The following TAC4 variants were observed in gnomAD, a reference collection of about 807,000 sequenced individuals.
TAC4 encodes the protein tachykinin precursor 4, also known as tachykinin-4.
Under a neutral mutation model 17.7 loss-of-function variants are expected in TAC4, and 17 were observed. The observed-to-expected ratio is 0.96, with a 90% confidence interval of 0.66 to 1.44. The LOEUF (loss-of-function observed/expected upper bound fraction) is 1.44. Ranked by LOEUF, TAC4 falls within the 40% of genes most tolerant of loss-of-function variation. The pLI is 0.00. For missense variants in TAC4, 118 were observed against 125.6 expected (o/e 0.94, Z 0.29); for synonymous variants, 62 against 52.4 (o/e 1.18, Z -0.79).
At position 49,838,548 on chromosome 17, in the gene TAC4, CAG is replaced by C. The variant is rs2074473083; in HGVS notation, c.*92_*93del. On this transcript the variant is annotated 3_prime_UTR_variant, in exon 5 of 5. Coordinates refer to ENST00000436235, the MANE Select transcript of TAC4 (RefSeq NM_001077506.2). ...GTGCCAGCGATGAGGACAGGAGACA[CAG>C]AGAAGAGAGTTGGCCTGCCGGCTTG... The C allele has an allele frequency of 1.3e-6, 2 of 1,497,412 alleles. No homozygotes were observed. Among genetic ancestry groups the C allele is most frequent in the African/African-American group, 1.4e-5 (1 of 72,452 alleles). The allele number at this position is 1,497,412 out of a possible 1,614,324, so 92.8% of individuals were successfully genotyped here.
intron 2 of TAC4, among the ~76,000 whole-genome samples, chr17:49,842,487 G>T (rs573289737): frequency 6.6e-6 from 1 of 151,526 alleles, no homozygotes; most frequent in Non-Finnish European, 1.5e-5. Context: ...CTGAGATTGC[G>T]CCATTGCACT....
intron 4 of TAC4, 39 bp from the exon 5 acceptor site, chr17:49,838,712 G>T: frequency 6.2e-7 from 1 of 1,603,628 alleles, no homozygotes; most frequent in Non-Finnish European, 8.5e-7. Flanking sequence ...GTTAGTCGGG[G>T]GTCTTGTCTG....
intron 2 of TAC4, among the ~76,000 whole-genome samples, chr17:49,843,512 G>A (rs1036779868): frequency 4.7e-5 from 7 of 149,256 alleles, no homozygotes; most frequent in East Asian, 1.9e-4. Flanking sequence ...TCAGGTGCCC[G>A]TGCTCCCCAT....
chr17:49,841,525 T>C (rs755890948), intron 3 of TAC4, 27 bp downstream of exon 3: 1 of 1,564,298 alleles, frequency 6.4e-7, no homozygotes, highest in African/African-American at 1.4e-5. Context: ...AGGGGGCATG[T>C]TGAAGGCAGG....
chr17:49,838,531 G>T lies in TAC4; in HGVS notation c.*111C>A. The stretch of plus-strand genomic sequence containing the variant: ...TGTGGGCCTTGTGTGAAGTGCCAGC[G>T]ATGAGGACAGGAGACACAGAGAAGA... On this transcript the variant is annotated 3_prime_UTR_variant, in exon 5 of 5. Transcript: ENST00000436235. 1 of 1,340,120 alleles carries T rather than the reference G, an allele frequency of 7.5e-7. No individual in the cohort carries two copies. The highest frequency in any genetic ancestry group is 1.1e-6 in the Non-Finnish European group (1 of 939,846). 83.0% of individuals were successfully genotyped at this position (1,340,120 alleles called of 1,614,324 possible). A position where few individuals can be genotyped will look rare whatever the true frequency, so the allele number is the denominator to read the frequency against.
chr17:49,839,586 A>C (rs1340778877), intron 4 of TAC4, among the ~76,000 whole-genome samples: 1 of 152,226 alleles, frequency 6.6e-6, no homozygotes, highest in Non-Finnish European at 1.5e-5. Context: ...CTGTGGTTTC[A>C]GCTGGCCCTG....
intron 2 of TAC4, among the ~76,000 whole-genome samples, chr17:49,841,901 CTTTTTTTTTTTTTT>C (rs1161302297): frequency 1.0e-5 from 1 of 99,132 alleles, no homozygotes; most frequent in Non-Finnish European, 2.0e-5. Flanking sequence ...GAGATTTAAT[CTTTTTTTTTTTTTT>C]TTTTTTTTTT....
intron 2 of TAC4, 48 bp from the exon 3 acceptor site, chr17:49,841,632 G>T (rs2074499045): frequency 1.3e-6 from 2 of 1,503,076 alleles, no homozygotes; most frequent in Admixed American, 4.6e-5. Flanking sequence ...CTGCTTCCCT[G>T]GGGGCTTGGT....
At chr17:49,842,994 C>A (rs1475933587) in intron 2 of TAC4, among the ~76,000 whole-genome samples, 1 of 152,188 alleles carries the variant, frequency 6.6e-6, no homozygotes, top group African/African-American at 2.4e-5. Flanking sequence ...TAGATTTTGA[C>A]CATTCCCTGA....
At chr17:49,841,671 G>C in intron 2 of TAC4, 87 bp from the exon 3 acceptor site, 3 of 1,379,670 alleles carry the variant, frequency 2.2e-6, no homozygotes, top group Non-Finnish European at 2.9e-6. Flanking sequence ...GTTCTTTGAG[G>C]GTTGGTGCAT....
chr17:49,846,182 A>G (rs375870197), intron 1 of TAC4: 1 of 1,288,058 alleles, frequency 7.8e-7, no homozygotes, highest in Admixed American at 2.3e-5. Flanking sequence ...ATATCCATTT[A>G]ACCCAAATCC....
Position 49,847,934 on chromosome 17 carries a change from G to C in TAC4, c.84C>G (p.Leu28=), listed in dbSNP as rs1487376293. ...VAGDGGEEQT[L]STEAETWEGA... ...TTACCCAGGTCTCTGCTTCAGTGCT[G>C]AGTGTCTGTTCCTCTCCACCATCAC... The change falls in exon 1 of 5, where the codon CTC becomes CTG. Residue 28 remains leucine (L), a synonymous_variant. Coordinates refer to ENST00000436235, the MANE Select transcript of TAC4 (RefSeq NM_001077506.2). 6.2e-7 allele frequency: 1 copy of C among 1,614,166 alleles called. No homozygotes were observed. The highest frequency in any genetic ancestry group is 1.1e-5 in the South Asian group (1 of 91,086).
chr17:49,840,206 C>G (rs2074486537), intron 3 of TAC4, among the ~76,000 whole-genome samples: 1 of 152,214 alleles, frequency 6.6e-6, no homozygotes, highest in Non-Finnish European at 1.5e-5. Flanking sequence ...ACTGGAGATA[C>G]AGAGGCGACA....
intron 1 of TAC4, chr17:49,846,284 T>C (rs1404098220): frequency 7.9e-6 from 10 of 1,271,978 alleles, no homozygotes; most frequent in East Asian, 1.1e-4. Flanking sequence ...CCTCATTTTT[T>C]TTTTTTTTTT....
chr17:49,840,688 A>G (rs1598101912), intron 3 of TAC4, among the ~76,000 whole-genome samples: 3 of 151,646 alleles, frequency 2.0e-5, no homozygotes, highest in Admixed American at 2.0e-4. Context: ...TTTTTAGTAG[A>G]GACAGGGTTT....
Position 49,844,157 on chromosome 17 carries a change from C to A in TAC4, c.106G>T (p.Glu36Ter). 5.6e-6 allele frequency: 9 copies of A among 1,613,688 alleles called. No homozygotes were observed. The highest frequency in any genetic ancestry group is 6.8e-6 in the Non-Finnish European group (8 of 1,179,654). ...QTLSTEAETWEGAGPSIQLQL... is the reference protein window; with the variant it reads ...QTLSTEAETW ...AGCTGAATGCTGGGGCCAGCGCCTT[C>A]CTGAAGAAGCAGAGAGTTAGTGTTA... Residue 36 changes from glutamate to a stop codon, truncating the protein, a stop_gained and splice_region_variant, in exon 2 of 5, where the codon GAA becomes TAA. Transcript: ENST00000436235. LOFTEE classifies it high-confidence loss of function.
At chr17:49,847,639 G>A in intron 1 of TAC4, 1 of 445,906 alleles carries the variant, frequency 2.2e-6, no homozygotes, top group Non-Finnish European at 4.2e-6. Flanking sequence ...GACAGTGCCA[G>A]AGATATACCG....
chr17:49,838,561 T>A lies in TAC4; in HGVS notation c.*81A>T. 6.4e-7 allele frequency: 1 copy of A among 1,565,064 alleles called. No individual in the cohort carries two copies. The highest frequency in any genetic ancestry group is 1.7e-5 in the Admixed American group (1 of 59,718). ...GGACAGGAGACACAGAGAAGAGAGT[T>A]GGCCTGCCGGCTTGTCAGCTGTGAC... On this transcript the variant is annotated 3_prime_UTR_variant, in exon 5 of 5. Transcript: ENST00000436235.
In TAC4 at chr17:49,844,092, G is replaced by T. The variant is rs1454781923; in HGVS notation, c.171C>A (p.Phe57Leu). 12 of 1,613,956 alleles carry T rather than the reference G, an allele frequency of 7.4e-6. No individual in the cohort carries two copies. Among genetic ancestry groups the T allele is most frequent in the Non-Finnish European group, 1.0e-5 (12 of 1,179,826 alleles). Residue 57 changes from phenylalanine to leucine, a missense_variant, in exon 2 of 5, where the codon TTC (phenylalanine) becomes TTA (leucine). Coordinates refer to ENST00000436235, the MANE Select transcript of TAC4 (RefSeq NM_001077506.2). ...QEVKTGKASQ[F>L]FGLMGKRVGG... The stretch of plus-strand genomic sequence containing the variant: ...CCACTCGCTTCCCCATCAGCCCAAA[G>T]AACTGGCTTGCCTTGCCCGTCTTCA...
Sources: gnomAD v4.1 joint callset for allele counts (sites outside exome capture counted in the v4.1 genomes callset) on GRCh38, gnomAD v4.1.1 for gene constraint, MANE v1.5 for transcripts, NCBI Gene and HGNC (gene_info 2026-07-23, HGNC 2026-07-21) for gene names.